ESRRG: variants seen among roughly 807,000 people sequenced by gnomAD.
ESRRG encodes the protein estrogen-related receptor gamma.
Under a neutral mutation model 44.0 loss-of-function variants are expected in ESRRG, and 13 were observed. The ratio of observed to expected loss-of-function variants is 0.30; its 90% CI spans 0.19 to 0.47. The LOEUF (loss-of-function observed/expected upper bound fraction) is 0.47. Ranked by LOEUF, ESRRG falls within the 20% of genes least tolerant of loss-of-function variation. The probability of loss-of-function intolerance (pLI) is 1.00; values close to 1 mark genes in which losing one functional copy is unlikely to be tolerated. For missense variants in ESRRG, 395 were observed against 580.6 expected (o/e 0.68, Z 3.29); for synonymous variants, 215 against 214.6 (o/e 1.00, Z -0.02).
intron 2 of ESRRG, among the ~76,000 whole-genome samples, chr1:216,891,091 G>A (rs112961728): frequency 0.022 from 3,350 of 152,242 alleles, 49 homozygotes; most frequent in Non-Finnish European, 0.036. Flanking sequence ...TTTCCTGGCC[G>A]GAAACTCTGT....
intron 1 of ESRRG, among the ~76,000 whole-genome samples, chr1:217,071,401 C>T (rs1019398142): frequency 6.6e-6 from 1 of 152,062 alleles, no homozygotes; most frequent in East Asian, 1.9e-4. Context: ...TGAACTTGGG[C>T]AAGTTTCATT....
At chr1:216,713,453 G>A (rs945298113) in intron 1 of ESRRG, among the ~76,000 whole-genome samples, 3 of 151,436 alleles carry the variant, frequency 2.0e-5, no homozygotes, top group Non-Finnish European at 2.9e-5. Context: ...GAGCACACTA[G>A]CATTTTACAA....
At chr1:217,090,561 C>T (rs1021443942), upstream of ESRRG, 9 of 152,148 alleles carry the variant, frequency 5.9e-5, no homozygotes, top group Admixed American at 4.6e-4. Flanking sequence ...CCTCTCACAA[C>T]TGGAGCTATT....
At chr1:216,911,570 G>T (rs182558613) in intron 2 of ESRRG, among the ~76,000 whole-genome samples, 15 of 152,122 alleles carry the variant, frequency 9.9e-5, no homozygotes, top group African/African-American at 3.6e-4. Flanking sequence ...CACCCAGAGA[G>T]AATGCTATTG....
At chr1:216,832,211 C>T (rs937772532) in intron 2 of ESRRG, among the ~76,000 whole-genome samples, 2 of 152,188 alleles carry the variant, frequency 1.3e-5, no homozygotes, top group Admixed American at 1.3e-4. Context: ...ACTTTTAAGG[C>T]CACCTTCATC....
intron 1 of ESRRG, among the ~76,000 whole-genome samples, chr1:216,973,355 G>A (rs1244873436): frequency 2.0e-5 from 3 of 151,948 alleles, no homozygotes; most frequent in African/African-American, 2.4e-5. Context: ...TGCTGTCCTC[G>A]CTTTACTTGA....
intron 2 of ESRRG, among the ~76,000 whole-genome samples, chr1:216,731,325 G>A (rs1386513089): frequency 6.6e-6 from 1 of 152,224 alleles, no homozygotes; most frequent in African/African-American, 2.4e-5. Flanking sequence ...AGTGAACACT[G>A]AATACTTTCA....
rs1240879118 is a variant in ESRRG, at chr1:216,519,428, G to A, written c.863-7C>T. The A allele has an allele frequency of 6.3e-6, 10 of 1,598,026 alleles. No homozygotes were observed. The highest frequency in any genetic ancestry group is 8.5e-6 in the Non-Finnish European group (10 of 1,177,116). ...AGGGACAGCGTGGAGAAGCCTGCAT[G>A]GAAAGATGGGCAGATCAAGTTACTT... On this transcript the variant is annotated splice_region_variant and splice_polypyrimidine_tract_variant and intron_variant, in intron 5 of 6. Coordinates refer to ENST00000408911, the MANE Select transcript of ESRRG (RefSeq NM_001438.4).
chr1:216,968,213 C>T (rs1204812602), intron 1 of ESRRG, among the ~76,000 whole-genome samples: 1 of 152,076 alleles, frequency 6.6e-6, no homozygotes, highest in Non-Finnish European at 1.5e-5. Context: ...TTGACAGTGT[C>T]TTTCACAGGG....
At chr1:216,533,527 G>T (rs2050033558) in intron 5 of ESRRG, among the ~76,000 whole-genome samples, 1 of 152,064 alleles carries the variant, frequency 6.6e-6, no homozygotes, top group Non-Finnish European at 1.5e-5. Context: ...GTGATAAATG[G>T]CTACAGCAGG....
intron 2 of ESRRG, among the ~76,000 whole-genome samples, chr1:216,653,465 T>C (rs2069537688): frequency 1.3e-5 from 2 of 152,224 alleles, no homozygotes; most frequent in Admixed American, 6.5e-5. Flanking sequence ...CAGCCTTTCA[T>C]TTACTTTTCC....
At chr1:217,087,726 G>A (rs540261052) in intron 1 of ESRRG, among the ~76,000 whole-genome samples, 16 of 152,188 alleles carry the variant, frequency 1.1e-4, no homozygotes, top group Non-Finnish European at 2.1e-4. Context: ...ATATACACAC[G>A]TTTAATTCTA....
rs958665764 is a variant in ESRRG, at chr1:216,966,291, T to C, written c.-105-26618A>G. Among the ~76,000 whole-genome samples, 6 of 152,318 alleles carry C rather than the reference T, an allele frequency of 3.9e-5. No individual in the cohort carries two copies. The East Asian group carries it at 1.2e-3, about 29-fold the overall frequency. ...AGTATAACGTGTCAACAAAAGATTA[T>C]TTGTATCCATTCATTCTGCTTCAGA... On this transcript the variant is annotated intron_variant, in intron 1 of 7. Transcript: ENST00000359162.
At chr1:216,541,561 AGTGTGTGT>A (rs34245595) in intron 5 of ESRRG, among the ~76,000 whole-genome samples, 5,983 of 130,328 alleles carry the variant, frequency 0.046, 132 homozygotes, top group Middle Eastern at 0.062. Context: ...TCTTTTGGTT[AGTGTGTGT>A]GTGTGTGTGT....
chr1:216,542,505 A>G (rs552409287), intron 5 of ESRRG, among the ~76,000 whole-genome samples: 1 of 152,140 alleles, frequency 6.6e-6, no homozygotes, highest in Admixed American at 6.6e-5. Flanking sequence ...TCAATGTAAC[A>G]GGGAGAATTA....
intron 2 of ESRRG, among the ~76,000 whole-genome samples, chr1:216,781,868 G>A (rs977006599): frequency 1.3e-5 from 2 of 152,164 alleles, no homozygotes; most frequent in African/African-American, 4.8e-5. Flanking sequence ...GTACTGCACA[G>A]TGGTAGAGAG....
chr1:216,833,964 G>C (rs2095525400), intron 2 of ESRRG, among the ~76,000 whole-genome samples: 2 of 152,322 alleles, frequency 1.3e-5, no homozygotes, highest in Non-Finnish European at 2.9e-5. Flanking sequence ...GTGAGACCAT[G>C]AGTCTCTCTA....
intron 3 of ESRRG, among the ~76,000 whole-genome samples, chr1:216,636,025 A>G (rs2065228604): frequency 6.6e-6 from 1 of 152,196 alleles, no homozygotes; most frequent in South Asian, 2.1e-4. Context: ...TAAATACATT[A>G]CCTTAATCCT....
In ESRRG at chr1:217,057,052, C is replaced by T. The variant is rs183546168; in HGVS notation, c.-106+32455G>A. On this transcript the variant is annotated intron_variant, in intron 1 of 7. Transcript: ENST00000359162. ...ACTGAGGGAGATGGAGCAGTTTACTCCCCATGAAGTGTGCAGCCACTTGGC... is the reference window on the plus strand; with the variant it reads ...ACTGAGGGAGATGGAGCAGTTTACTTCCCATGAAGTGTGCAGCCACTTGGC... Among the ~76,000 whole-genome samples, 378 of 152,216 alleles carry T rather than the reference C, an allele frequency of 2.5e-3. 1 individual carries two copies. The highest frequency in any genetic ancestry group is 3.9e-3 in the Admixed American group (59 of 15,266).
Sources: allele counts gnomAD v4.1 joint callset (sites outside exome capture counted in the v4.1 genomes callset), GRCh38; gene constraint gnomAD v4.1.1; transcripts MANE v1.5; gene names NCBI Gene and HGNC (gene_info 2026-07-23, HGNC 2026-07-21).